The following SYT16 variants were observed in gnomAD, a reference collection of about 807,000 sequenced individuals.
SYT16 encodes the protein synaptotagmin-16.
A neutral mutation model predicts 61.4 loss-of-function variants in SYT16; 42 were observed. The observed-to-expected ratio is 0.68, with a 90% CI of 0.53 to 0.89. The LOEUF is 0.89. Among genes scored for constraint, SYT16 ranks in the 40% least tolerant of loss-of-function variants. The pLI is 0.00. For missense variants in SYT16, 804 were observed against 807.3 expected (o/e 1.00, Z 0.05); for synonymous variants, 314 against 302.3 (o/e 1.04, Z -0.40).
chr14:62,016,539 C>CAAAAAAAAA (rs10610233), intron 3 of SYT16, among the ~76,000 whole-genome samples: 216 of 96,218 alleles, frequency 2.2e-3, no homozygotes, highest in Non-Finnish European at 3.6e-3. Context: ...TCTAAAAATA[C>CAAAAAAAAA]AAAAAAAAAA....
chr14:61,904,749 G>T (rs1478003345), intron 1 of SYT16, among the ~76,000 whole-genome samples: 1 of 152,224 alleles, frequency 6.6e-6, no homozygotes, highest in East Asian at 1.9e-4. Flanking sequence ...TCTGAAGGCA[G>T]ATTGACTAAG....
intron 1 of SYT16, among the ~76,000 whole-genome samples, chr14:61,915,543 G>GT (rs1022955064): frequency 6.6e-6 from 1 of 152,130 alleles, no homozygotes; most frequent in Non-Finnish European, 1.5e-5. Context: ...TCATTTGAGA[G>GT]TGAGGAGTTA....
At chr14:61,851,010 C>T (rs1314768979) in intron 1 of SYT16, among the ~76,000 whole-genome samples, 7 of 152,216 alleles carry the variant, frequency 4.6e-5, no homozygotes, top group Non-Finnish European at 8.8e-5. Flanking sequence ...CCATCACCTA[C>T]GTATTAAGCC....
intron 1 of SYT16, among the ~76,000 whole-genome samples, chr14:61,908,981 C>T (rs910795449): frequency 1.3e-5 from 2 of 152,146 alleles, no homozygotes; most frequent in South Asian, 2.1e-4. Flanking sequence ...TGCCATTACA[C>T]CTGGCCAACT....
intron 3 of SYT16, among the ~76,000 whole-genome samples, chr14:62,066,381 A>C (rs568853344): frequency 6.6e-6 from 1 of 152,294 alleles, no homozygotes; most frequent in South Asian, 2.1e-4. Flanking sequence ...TCTCTGCCTC[A>C]GTTTTCTTGG....
At chr14:61,927,860 T>C (rs1311899572) in intron 1 of SYT16, among the ~76,000 whole-genome samples, 1 of 151,630 alleles carries the variant, frequency 6.6e-6, no homozygotes, top group Non-Finnish European at 1.5e-5. Context: ...GAAGGGGAGG[T>C]GGAGGTGCTT....
At chr14:62,005,538 T>G (rs900451280) in intron 3 of SYT16, among the ~76,000 whole-genome samples, 2 of 152,156 alleles carry the variant, frequency 1.3e-5, no homozygotes, top group African/African-American at 4.8e-5. Context: ...GTATGCTCCC[T>G]TTAGCTTCCT....
intron 3 of SYT16, among the ~76,000 whole-genome samples, chr14:62,053,120 A>C (rs2055385775): frequency 6.6e-6 from 1 of 152,236 alleles, no homozygotes; most frequent in Admixed American, 6.5e-5. Context: ...GGGCTCAGAA[A>C]AGAGGAGAGC....
chr14:62,047,461 G>A (rs1231223556), intron 3 of SYT16, among the ~76,000 whole-genome samples: 3 of 152,004 alleles, frequency 2.0e-5, no homozygotes, highest in Admixed American at 6.6e-5. Flanking sequence ...TTGAATGCCC[G>A]TTATTTCCTT....
chr14:61,984,466 A>G (rs998891491), intron 2 of SYT16, among the ~76,000 whole-genome samples: 2 of 152,288 alleles, frequency 1.3e-5, no homozygotes, highest in Non-Finnish European at 2.9e-5. Flanking sequence ...TAGCTGCTCT[A>G]TTGCAGGACT....
chr14:62,044,999 G>A (rs8017535), intron 3 of SYT16, among the ~76,000 whole-genome samples: 68,313 of 151,984 alleles, frequency 0.45, 18,569 homozygotes, highest in African/African-American at 0.77. Flanking sequence ...TTAGCTGGGC[G>A]TGGTGGCACG....
intron 1 of SYT16, among the ~76,000 whole-genome samples, chr14:61,969,670 A>G (rs1330037615): frequency 6.6e-6 from 1 of 152,198 alleles, no homozygotes; most frequent in Admixed American, 6.5e-5. Flanking sequence ...CCAATCGCTA[A>G]TATTGGTAGA....
At chr14:61,879,443 A>T (rs186869706) in intron 1 of SYT16, among the ~76,000 whole-genome samples, 6 of 152,178 alleles carry the variant, frequency 3.9e-5, no homozygotes, top group Non-Finnish European at 8.8e-5. Flanking sequence ...ACTTTTGACA[A>T]GCAATTCACC....
At chr14:61,872,282 A>G (rs963367439) in intron 1 of SYT16, among the ~76,000 whole-genome samples, 30 of 152,160 alleles carry the variant, frequency 2.0e-4, no homozygotes, top group Admixed American at 1.9e-3. Context: ...TAGAGTACAT[A>G]TATAATGTTT....
chr14:61,860,259 T>A (rs2046923587), intron 1 of SYT16, among the ~76,000 whole-genome samples: 1 of 152,326 alleles, frequency 6.6e-6, no homozygotes, highest in East Asian at 1.9e-4. Flanking sequence ...CTGTATTTGT[T>A]TGGGTGTGAT....
At chr14:61,824,509 C>A (rs527276056) in intron 1 of SYT16, among the ~76,000 whole-genome samples, 1 of 152,084 alleles carries the variant, frequency 6.6e-6, no homozygotes, top group African/African-American at 2.4e-5. Context: ...CCTGCCACCA[C>A]GCCTGGCTAA....
intron 1 of SYT16, among the ~76,000 whole-genome samples, chr14:61,903,402 T>C (rs1373445224): frequency 6.6e-6 from 1 of 152,170 alleles, no homozygotes; most frequent in Non-Finnish European, 1.5e-5. Context: ...CTCTTTCCCA[T>C]AGTTGGCCCT....
At chr14:62,094,342 C>T (rs2057192269) in intron 7 of SYT16, among the ~76,000 whole-genome samples, 1 of 152,072 alleles carries the variant, frequency 6.6e-6, no homozygotes, top group Non-Finnish European at 1.5e-5. Flanking sequence ...TTCTTGCATA[C>T]TGGTCAGTTC....
chr14:61,872,243 A>T (rs553585377), intron 1 of SYT16, among the ~76,000 whole-genome samples: 2 of 152,278 alleles, frequency 1.3e-5, no homozygotes, highest in African/African-American at 4.8e-5. Context: ...ACATATTTTT[A>T]ATTGATATAT....
Sources: gnomAD v4.1 joint callset for allele counts (sites outside exome capture counted in the v4.1 genomes callset) on GRCh38, gnomAD v4.1.1 for gene constraint, MANE v1.5 for transcripts, NCBI Gene and HGNC (gene_info 2026-07-23, HGNC 2026-07-21) for gene names.